PRDM16: variants seen among roughly 807,000 people sequenced by gnomAD.
The protein encoded by PRDM16 is PR/SET domain 16.
Under a neutral mutation model 110.6 loss-of-function variants are expected in PRDM16, and 23 were observed. The ratio of observed to expected loss-of-function variants is 0.21; its 90% CI spans 0.15 to 0.29. The LOEUF (loss-of-function observed/expected upper bound fraction) is 0.29. PRDM16 is among the 10% of genes least tolerant of loss of function. The probability of loss-of-function intolerance (pLI) is 1.00; values close to 1 mark genes in which losing one functional copy is unlikely to be tolerated. For synonymous variants in PRDM16, 799 were observed against 781.8 expected, an observed-to-expected ratio of 1.02 and a Z score of -0.37; for missense variants, 1,615 against 1,794.3, an observed-to-expected ratio of 0.90 and a Z score of 1.81.
At chr1:3,114,587 A>G (rs918581838) in intron 1 of PRDM16, among the ~76,000 whole-genome samples, 1 of 151,442 alleles carries the variant, frequency 6.6e-6, no homozygotes, top group Non-Finnish European at 1.5e-5. Flanking sequence ...CACACACAAG[A>G]ACACACGTGC....
At chr1:3,248,012 G>A (rs1639831915) in intron 3 of PRDM16, among the ~76,000 whole-genome samples, 2 of 152,236 alleles carry the variant, frequency 1.3e-5, no homozygotes, top group South Asian at 2.1e-4. Context: ...AGAGCCCGCC[G>A]GAGCCGGTAA....
At position 3,190,606 on chromosome 1, in the gene PRDM16, C is replaced by T. The variant is rs1638276784; in HGVS notation, c.387+4132C>T. Among the ~76,000 whole-genome samples the T allele has an allele frequency of 6.6e-6, 1 of 152,058 alleles. No individual in the cohort carries two copies. The highest frequency in any genetic ancestry group is 2.1e-4 in the South Asian group (1 of 4,814). ...CCCCAGGGGTGTGTGGAAACGGCCC[C>T]CTGGGCTTCATCTCAGGGAGGGGGC... On this transcript the variant is annotated intron_variant, in intron 2 of 16. Coordinates refer to ENST00000270722, the MANE Select transcript of PRDM16 (RefSeq NM_022114.4). The surrounding 1 kb of genome is among the most constrained non-coding windows in gnomAD (Gnocchi z 5.0).
intron 1 of PRDM16, among the ~76,000 whole-genome samples, chr1:3,136,337 G>T (rs1246329569): frequency 1.3e-5 from 2 of 152,196 alleles, no homozygotes; most frequent in East Asian, 3.9e-4. Context: ...GCTGTCCGGG[G>T]ACCTCTGGTG....
At chr1:3,102,972 C>G (rs1022260805) in intron 1 of PRDM16, among the ~76,000 whole-genome samples, 3 of 152,214 alleles carry the variant, frequency 2.0e-5, no homozygotes, top group African/African-American at 7.2e-5. Context: ...ATCTTCCTCT[C>G]CCTAAAACTA....
rs568439976 is a variant in PRDM16, at chr1:3,149,977, G to A, written c.38-36148G>A. Among the ~76,000 whole-genome samples the A allele has an allele frequency of 2.1e-3, 325 of 152,326 alleles. 1 individual carries two copies. The highest frequency in any genetic ancestry group is 3.3e-3 in the Non-Finnish European group (225 of 68,026). ...CCCGGGGTTATCCAGGCTCTGCCAC[G>A]ATGGACCAAGAGGCCAGGACAAGTG... is the stretch of plus-strand genomic sequence containing the variant. On this transcript the variant is annotated intron_variant, in intron 1 of 16. Coordinates refer to ENST00000270722, the MANE Select transcript of PRDM16 (RefSeq NM_022114.4).
At chr1:3,114,223 A>G (rs1056964764) in intron 1 of PRDM16, among the ~76,000 whole-genome samples, 5 of 125,328 alleles carry the variant, frequency 4.0e-5, no homozygotes, top group Non-Finnish European at 7.1e-5. Context: ...ACACGAACAC[A>G]CACGCACACA....
chr1:3,377,383 G>A (rs927170837), intron 3 of PRDM16, among the ~76,000 whole-genome samples: 6 of 152,354 alleles, frequency 3.9e-5, no homozygotes, highest in Admixed American at 3.3e-4. Context: ...GGACGGGGCC[G>A]GCGGCTGGCC....
chr1:3,295,486 TG>T (rs1478389666), intron 3 of PRDM16, among the ~76,000 whole-genome samples: 1 of 152,102 alleles, frequency 6.6e-6, no homozygotes, highest in Non-Finnish European at 1.5e-5. Context: ...CACCAGCGTG[TG>T]GGGGCTGGGA....
intron 3 of PRDM16, among the ~76,000 whole-genome samples, chr1:3,306,209 A>G (rs1292318714): frequency 6.6e-6 from 1 of 152,244 alleles, no homozygotes; most frequent in Non-Finnish European, 1.5e-5. Flanking sequence ...GACCTGCCAC[A>G]CAAGCCAGCT....
chr1:3,397,707 G>C (rs1392128275), intron 5 of PRDM16, among the ~76,000 whole-genome samples: 2 of 152,210 alleles, frequency 1.3e-5, no homozygotes, highest in African/African-American at 4.8e-5. Flanking sequence ...TTTCCTCCTC[G>C]CTTCTTGGAC....
chr1:3,418,904 C>G (rs1267453338), intron 12 of PRDM16, among the ~76,000 whole-genome samples, 160 bp downstream of exon 12: 2 of 152,124 alleles, frequency 1.3e-5, no homozygotes, highest in African/African-American at 4.8e-5. Context: ...TGGCCCTCCC[C>G]TCCTGGCCTC....
Position 3,290,975 on chromosome 1 carries a change from C to T in PRDM16, c.438+46838C>T, listed in dbSNP as rs1041667383. ...TAACCTTCTTACGATGTGATAGGAG[C>T]GGCTTGGCCTCCTGACTCCAGGGGC... On this transcript the variant is annotated intron_variant, in intron 3 of 16. Transcript: ENST00000270722. The surrounding 1 kb of genome is among the most constrained non-coding windows in gnomAD (Gnocchi z 4.8). Among the ~76,000 whole-genome samples, 6 of 152,078 alleles carry T rather than the reference C, an allele frequency of 3.9e-5. No individual in the cohort carries two copies. The highest frequency in any genetic ancestry group is 9.7e-5 in the African/African-American group (4 of 41,388).
At chr1:3,333,792 C>G (rs1180807689) in intron 3 of PRDM16, among the ~76,000 whole-genome samples, 1 of 152,120 alleles carries the variant, frequency 6.6e-6, no homozygotes, top group Non-Finnish European at 1.5e-5. Context: ...TGAGTCCCCC[C>G]TCGGTTAGCT....
At chr1:3,413,879 C>T (rs539511930) in intron 9 of PRDM16, among the ~76,000 whole-genome samples, 5 of 152,284 alleles carry the variant, frequency 3.3e-5, no homozygotes, top group Admixed American at 6.5e-5. Context: ...GGCTTGTCAC[C>T]GGCATCTGGG....
chr1:3,181,542 T>C (rs1644188376), intron 1 of PRDM16, among the ~76,000 whole-genome samples: 1 of 41,268 alleles, frequency 2.4e-5, no homozygotes, highest in Non-Finnish European at 4.0e-5. Context: ...TTACACACGG[T>C]CTTACACACG....
intron 3 of PRDM16, among the ~76,000 whole-genome samples, chr1:3,248,171 C>A (rs1639839262): frequency 6.6e-6 from 1 of 152,188 alleles, no homozygotes; most frequent in East Asian, 1.9e-4. Context: ...TAAATTTATT[C>A]TTTGACTTTC....
intron 2 of PRDM16, among the ~76,000 whole-genome samples, chr1:3,228,640 G>A (rs970483059): frequency 6.6e-6 from 1 of 152,174 alleles, no homozygotes; most frequent in Non-Finnish European, 1.5e-5. Context: ...GCTGTGGAAC[G>A]CAGGGCTTCG....
intron 2 of PRDM16, among the ~76,000 whole-genome samples, chr1:3,231,381 G>A (rs556894341): frequency 4.6e-5 from 7 of 152,352 alleles, no homozygotes; most frequent in South Asian, 2.1e-4. Context: ...CTTCCCCGTC[G>A]TCATGGACAG....
chr1:3,119,954 A>C (rs1297978480), intron 1 of PRDM16, among the ~76,000 whole-genome samples: 1 of 142,318 alleles, frequency 7.0e-6, no homozygotes, highest in Non-Finnish European at 1.5e-5. Context: ...TGTTTCTTGG[A>C]GGGGGGAGAG....
Sources: allele counts gnomAD v4.1 joint callset (sites outside exome capture counted in the v4.1 genomes callset), GRCh38; gene constraint gnomAD v4.1.1; non-coding constraint Gnocchi (gnomAD v3.1); transcripts MANE v1.5; gene names NCBI Gene and HGNC (gene_info 2026-07-23, HGNC 2026-07-21).